Variants in GUCY1A1 observed in about 807,000 individuals in gnomAD.
GUCY1A1 encodes guanylate cyclase soluble subunit alpha-1.
GUCY1A1 carries 48 observed loss-of-function variants against 64.5 expected under a neutral mutation model. That is an observed-to-expected ratio of 0.74 (90% confidence interval 0.59 to 0.95). GUCY1A1 has a LOEUF of 0.95. Ranked by LOEUF, GUCY1A1 falls within the 40% of genes least tolerant of loss-of-function variation. GUCY1A1 has a pLI of 0.00. For missense variants in GUCY1A1, 804 were observed against 825.3 expected (o/e 0.97, Z 0.32); for synonymous variants, 308 against 303.4 (o/e 1.02, Z -0.16).
intron 6 of GUCY1A1, 194 bp downstream of exon 6, chr4:155,711,445 A>G (rs371396423): frequency 4.7e-6 from 2 of 426,094 alleles, no homozygotes; most frequent in African/African-American, 2.0e-5. Context: ...TTGATTCATT[A>G]CTCCAAAAAT....
At chr4:155,721,811 T>C (rs1337285423) in intron 8 of GUCY1A1, among the ~76,000 whole-genome samples, 1 of 152,160 alleles carries the variant, frequency 6.6e-6, no homozygotes, top group African/African-American at 2.4e-5. Flanking sequence ...AGATGGTTTG[T>C]GTAATAAACC....
rs760876530 is a variant in GUCY1A1, at chr4:155,697,011, A to G, written c.144A>G (p.Gln48=). 6.2e-7 allele frequency: 1 copy of G among 1,613,788 alleles called. No homozygotes were observed. Among genetic ancestry groups the G allele is most frequent in the South Asian group, 1.1e-5 (1 of 91,084 alleles). Residue 48 remains glutamine, a synonymous_variant, in exon 3 of 10, where the codon CAA becomes CAG. Coordinates refer to ENST00000506455, the MANE Select transcript of GUCY1A1 (RefSeq NM_001130682.3). ...GCAAAGCAACCGTGCCCATCTGTCA[A>G]GACATTCCTGAGAAGAACATACAAG... The part of the protein sequence containing the change: ...ESCKATVPIC[Q]DIPEKNIQES...
chr4:155,672,484 T>C (rs1734281044), intron 2 of GUCY1A1, among the ~76,000 whole-genome samples: 1 of 152,200 alleles, frequency 6.6e-6, no homozygotes, highest in South Asian at 2.1e-4. Flanking sequence ...TAAGAGAGTA[T>C]ACTGAGACAG....
In GUCY1A1 at chr4:155,717,023, G is replaced by A. The variant is rs17033400; in HGVS notation, c.1573-136G>A. ...CTGAAAAAGAAAGCCATTTCTGGGC[G>A]TATCTGATTAACCCTGATCCTCCAG... On this transcript the variant is annotated intron_variant, in intron 7 of 9. Coordinates refer to ENST00000506455, the MANE Select transcript of GUCY1A1 (RefSeq NM_001130682.3). The A allele has an allele frequency of 4.4e-3, 2,467 of 559,022 alleles. 55 individuals carry two copies. Among genetic ancestry groups the A allele is most frequent in the African/African-American group, 0.042 (2,201 of 52,510 alleles). 34.6% of individuals were successfully genotyped at this position (559,022 alleles called of 1,614,324 possible).
chr4:155,672,660 C>A (rs1734304735), intron 2 of GUCY1A1, among the ~76,000 whole-genome samples: 1 of 152,176 alleles, frequency 6.6e-6, no homozygotes, highest in African/African-American at 2.4e-5. Context: ...TGAATGCTTG[C>A]ATGCCATGTT....
At chr4:155,707,707 T>C (rs369759871) in intron 4 of GUCY1A1, among the ~76,000 whole-genome samples, 1 of 152,188 alleles carries the variant, frequency 6.6e-6, no homozygotes, top group South Asian at 2.1e-4. Flanking sequence ...ACATTCTATG[T>C]CATATATATT....
At chr4:155,708,087 T>A (rs1732038239) in intron 4 of GUCY1A1, 149 bp from the exon 5 acceptor site, 1 of 466,960 alleles carries the variant, frequency 2.1e-6, no homozygotes, top group Admixed American at 3.4e-5. Flanking sequence ...TCCACCCACC[T>A]CGGCCTCCCA....
At chr4:155,712,978 G>T (rs940063287) in intron 6 of GUCY1A1, 120 bp from the exon 7 acceptor site, 3 of 788,214 alleles carry the variant, frequency 3.8e-6, no homozygotes, top group East Asian at 2.5e-5. Flanking sequence ...AAAGCAAATT[G>T]TTCCTTTTCA....
rs530722130 is a variant in GUCY1A1 at position 155,713,347 on chromosome 4, G to A, written c.1336G>A (p.Glu446Lys). 2.5e-6 allele frequency: 4 copies of A among 1,614,180 alleles called. No homozygotes were observed. The African/African-American group carries it at 5.3e-5, about 22-fold the overall frequency. ...GCAAGCCCACCAAGCCCTGGAGGAG[G>A]AGAAGAAAAAGACAGTAGACCTTCT... ...LEQAHQALEEEKKKTVDLLCS... is the reference protein window; with the variant it reads ...LEQAHQALEEKKKKTVDLLCS... Residue 446 changes from glutamate (E) to lysine (K), a missense_variant, in exon 7 of 10, where the codon GAG becomes AAG. Transcript: ENST00000506455.
chr4:155,700,038 T>C (rs1305463824), intron 3 of GUCY1A1, among the ~76,000 whole-genome samples: 1 of 152,180 alleles, frequency 6.6e-6, no homozygotes, highest in Non-Finnish European at 1.5e-5. Flanking sequence ...AAAAGATAAC[T>C]GGAGAAATGG....
intron 2 of GUCY1A1, among the ~76,000 whole-genome samples, 165 bp from the exon 3 acceptor site, chr4:155,696,586 TAAGTA>T (rs765404673): frequency 1.9e-4 from 29 of 152,242 alleles, no homozygotes; most frequent in Non-Finnish European, 3.5e-4. Context: ...TCACACATAT[TAAGTA>T]AAGATCTTTG....
In GUCY1A1 at chr4:155,710,675, G is replaced by A; in HGVS notation, c.510G>A (p.Leu170=). The A allele has an allele frequency of 6.2e-7, 1 of 1,614,026 alleles. No homozygotes were observed. Among genetic ancestry groups the A allele is most frequent in the East Asian group, 2.2e-5 (1 of 44,872 alleles). ...KDFLNSFSTL[L]KQSSHCQEAG... is the part of the protein sequence containing the mutation. Reference sequence around the variant, plus strand: ...TTTTAAACAGCTTCAGTACCCTTCTGAAACAGAGCAGCCATTGCCAAGAAG... The same window carrying A: ...TTTTAAACAGCTTCAGTACCCTTCTAAAACAGAGCAGCCATTGCCAAGAAG... Residue 170 remains leucine (L), a synonymous_variant, in exon 6 of 10, where the codon CTG becomes CTA. Transcript: ENST00000506455.
At chr4:155,691,294 C>A (rs569309894) in intron 2 of GUCY1A1, among the ~76,000 whole-genome samples, 1 of 152,268 alleles carries the variant, frequency 6.6e-6, no homozygotes, top group South Asian at 2.1e-4. Context: ...AACTTTGTGG[C>A]AGAGAGAATT....
intron 2 of GUCY1A1, among the ~76,000 whole-genome samples, chr4:155,674,206 T>C (rs566754419): frequency 6.6e-6 from 1 of 150,908 alleles, no homozygotes; most frequent in African/African-American, 2.5e-5. Context: ...ATACAAAAAA[T>C]TAGCCGGGCA....
intron 3 of GUCY1A1, among the ~76,000 whole-genome samples, chr4:155,698,574 A>C (rs759297715): frequency 1.3e-5 from 2 of 152,112 alleles, no homozygotes; most frequent in Admixed American, 6.6e-5. Context: ...TTGTTTGGTA[A>C]ATTTTGAATT....
At chr4:155,720,171 T>A (rs1175034243) in intron 8 of GUCY1A1, among the ~76,000 whole-genome samples, 2 of 152,060 alleles carry the variant, frequency 1.3e-5, no homozygotes, top group Admixed American at 1.3e-4. Context: ...ATTTTAATTA[T>A]GAAACAAGAT....
At chr4:155,696,725 T>C (rs1730459489) in intron 2 of GUCY1A1, 31 bp from the exon 3 acceptor site, 1 of 663,844 alleles carries the variant, frequency 1.5e-6, no homozygotes, top group Non-Finnish European at 2.6e-6. Context: ...AAGTCACTCC[T>C]CTTTCTGTTC....
chr4:155,722,285 T>C, intron 9 of GUCY1A1, 93 bp downstream of exon 9: 2 of 1,511,146 alleles, frequency 1.3e-6, no homozygotes, highest in Non-Finnish European at 1.8e-6. Flanking sequence ...TCATAACTTT[T>C]TTCTTCCTTA....
intron 3 of GUCY1A1, among the ~76,000 whole-genome samples, chr4:155,703,521 G>A (rs1731360576): frequency 6.6e-6 from 1 of 152,200 alleles, no homozygotes; most frequent in African/African-American, 2.4e-5. Flanking sequence ...TGAGATTGAA[G>A]TATTGGCCGC....
Sources: gnomAD v4.1 joint callset for allele counts (sites outside exome capture counted in the v4.1 genomes callset) on GRCh38, gnomAD v4.1.1 for gene constraint, MANE v1.5 for transcripts, NCBI Gene and HGNC (gene_info 2026-07-23, HGNC 2026-07-21) for gene names.